The following LAG3 variants were observed in gnomAD, a reference collection of about 807,000 sequenced individuals.
The protein encoded by LAG3 is lymphocyte activating 3.
LAG3 carries 29 observed loss-of-function variants against 49.0 expected under a neutral mutation model. The ratio of observed to expected loss-of-function variants is 0.59; its 90% CI spans 0.44 to 0.81. The LOEUF (loss-of-function observed/expected upper bound fraction) is 0.81. Among genes scored for constraint, LAG3 ranks in the 30% least tolerant of loss-of-function variants. The probability of loss-of-function intolerance (pLI) is 0.00; values close to 1 mark genes in which losing one functional copy is unlikely to be tolerated. For synonymous variants in LAG3, 320 were observed against 297.3 expected (o/e 1.08, Z -0.79); for missense variants, 693 against 695.2 (o/e 1.00, Z 0.04).
intron 5 of LAG3, 87 bp from the exon 6 acceptor site, chr12:6,777,177 C>A (rs1385451160): frequency 2.6e-6 from 4 of 1,511,606 alleles, no homozygotes; most frequent in Non-Finnish European, 3.6e-6. Context: ...CAAGTGAGTG[C>A]AGGGTGATTG....
rs1487917766 is a variant in LAG3 at position 6,774,800 on chromosome 12, G to A, written c.717G>A (p.Trp239Ter). 1 of 1,613,968 alleles carries A rather than the reference G, an allele frequency of 6.2e-7. No homozygotes were observed. The highest frequency in any genetic ancestry group is 8.5e-7 in the Non-Finnish European group (1 of 1,179,998). ...PQVSPMDSGP[W>*]GCILTYRDGF... is the part of the protein sequence containing the mutation. Reference sequence around the variant, plus strand: ...TCAGCCCCATGGACTCTGGGCCCTGGGGCTGCATCCTCACCTACAGAGATG... The same window carrying A: ...TCAGCCCCATGGACTCTGGGCCCTGAGGCTGCATCCTCACCTACAGAGATG... The change falls in exon 4 of 8, where the codon TGG becomes TGA. Residue 239 changes from tryptophan (W) to a stop codon, truncating the protein, a stop_gained. Coordinates refer to ENST00000203629, the MANE Select transcript of LAG3 (RefSeq NM_002286.6). LOFTEE classifies it high-confidence loss of function.
chr12:6,777,626 T>C, intron 6 of LAG3, 120 bp downstream of exon 6: 1 of 1,481,982 alleles, frequency 6.7e-7, no homozygotes, highest in East Asian at 2.4e-5. Context: ...ACCTGATCTC[T>C]GGCTTTTGCC....
rs1247973439 is a variant in LAG3, at chr12:6,778,357, G to T, written c.1545G>T (p.Glu515Asp). 1 of 1,608,078 alleles carries T rather than the reference G, an allele frequency of 6.2e-7. No homozygotes were observed. Among genetic ancestry groups the T allele is most frequent in the Admixed American group, 1.7e-5 (1 of 59,954 alleles). ...EPEPEPEPEP[E>D]PEPEPEPEQL The stretch of plus-strand genomic sequence containing the variant: ...AGCCGGAGCCGGAGCCGGAACCGGA[G>T]CCCGAGCCCGAGCCCGAGCCGGAGC... The change falls in exon 8 of 8, where the codon GAG (glutamate) becomes GAT (aspartate). Residue 515 changes from glutamate to aspartate, a missense_variant. Coordinates refer to ENST00000203629, the MANE Select transcript of LAG3 (RefSeq NM_002286.6).
Position 6,772,780 on chromosome 12 carries a change from C to T in LAG3, c.-73C>T. On this transcript the variant is annotated 5_prime_UTR_variant, in exon 1 of 8. Transcript: ENST00000203629. ...TGCAGAACTTCTCCTTTACCCCCCA[C>T]CCCCCACCACTGCCCCCTTTCCTTT... The T allele has an allele frequency of 2.0e-6, 2 of 1,023,124 alleles. No homozygotes were observed. Among genetic ancestry groups the T allele is most frequent in the Non-Finnish European group, 2.9e-6 (2 of 696,446 alleles). 63.4% of individuals were successfully genotyped at this position (1,023,124 alleles called of 1,614,324 possible).
rs1163067350 is a variant in LAG3 at position 6,772,845 on chromosome 12, T to C, written c.-8T>C. The C allele has an allele frequency of 1.4e-6, 2 of 1,460,488 alleles. No individual in the cohort carries two copies. Among genetic ancestry groups the C allele is most frequent in the Middle Eastern group, 1.9e-4 (1 of 5,282 alleles). The allele number at this position is 1,460,488 out of a possible 1,614,324, so 90.5% of individuals were successfully genotyped here. ...GGAGGGCTCAGCGCTGCCCAGACCA[T>C]AGGAGAGATGTGGGAGGCTCAGTTC... On this transcript the variant is annotated 5_prime_UTR_variant, in exon 1 of 8. Transcript: ENST00000203629.
chr12:6,773,473 G>T lies in LAG3; in HGVS notation c.206+134G>T. The T allele has an allele frequency of 8.3e-7, 1 of 1,209,178 alleles. No individual in the cohort carries two copies. Among genetic ancestry groups the T allele is most frequent in the East Asian group, 2.6e-5 (1 of 38,252 alleles). The allele number at this position is 1,209,178 out of a possible 1,614,324, so 74.9% of individuals were successfully genotyped here. A position where few individuals can be genotyped will look rare whatever the true frequency, so the allele number is the denominator to read the frequency against. ...TGACCCAGTCTCCCTGCCCTCGCTTGCACCGTTCCTGCCCTTGCTCTGCAA... is the reference window on the plus strand; with the variant it reads ...TGACCCAGTCTCCCTGCCCTCGCTTTCACCGTTCCTGCCCTTGCTCTGCAA... On this transcript the variant is annotated intron_variant, in intron 2 of 7. Coordinates refer to ENST00000203629, the MANE Select transcript of LAG3 (RefSeq NM_002286.6). The surrounding 1 kb of genome is among the most constrained non-coding windows in gnomAD (Gnocchi z 5.5).
chr12:6,773,732 C>T lies in LAG3; in HGVS notation c.242C>T (p.Ala81Val), dbSNP rs764026962. The change falls in exon 3 of 8, where the codon GCC (alanine) becomes GTC (valine). Residue 81 changes from alanine to valine, a missense_variant. Physicochemically the swap from Ala to Val is moderately conservative, Grantham distance 64. Transcript: ENST00000203629. The surrounding 1 kb of genome is among the most constrained non-coding windows in gnomAD (Gnocchi z 5.5). ...PPAAAPGHPL[A>V]PGPHPAAPSS... is the part of the protein sequence containing the mutation. ...GCTGCCGCCCCCGGCCATCCCCTGG[C>T]CCCCGGCCCTCACCCGGCGGCGCCC... 1.6e-5 allele frequency: 21 copies of T among 1,338,860 alleles called. No individual in the cohort carries two copies. In the East Asian group the frequency reaches 2.1e-4, roughly 13 times the overall value. The allele number at this position is 1,338,860 out of a possible 1,614,324, so 82.9% of individuals were successfully genotyped here. A position where few individuals can be genotyped will look rare whatever the true frequency, so the allele number is the denominator to read the frequency against.
Position 6,777,323 on chromosome 12 carries a change from C to G in LAG3, c.1117C>G (p.Pro373Ala). The change falls in exon 6 of 8, where the codon CCA becomes GCA. Residue 373 changes from proline (P) to alanine (A), a missense_variant. Physicochemically the swap from Pro to Ala is conservative, Grantham distance 27. Transcript: ENST00000203629. The stretch of plus-strand genomic sequence containing the variant: ...GGGGAAGCTGCTTTGTGAGGTGACT[C>G]CAGTATCTGGACAAGAACGCTTTGT... ...SLGKLLCEVT[P>A]VSGQERFVWS... The G allele has an allele frequency of 6.2e-7, 1 of 1,614,190 alleles. No individual in the cohort carries two copies. Among genetic ancestry groups the G allele is most frequent in the Non-Finnish European group, 8.5e-7 (1 of 1,180,034 alleles).
In LAG3 at chr12:6,773,847, C is replaced by T. The variant is rs1318931557; in HGVS notation, c.357C>T (p.Arg119=). Reference sequence around the variant, plus strand: ...GCGGGAGGCTGCCCCTGCAGCCCCGCGTCCAGCTGGATGAGCGCGGCCGGC... The same window carrying T: ...GCGGGAGGCTGCCCCTGCAGCCCCGTGTCCAGCTGGATGAGCGCGGCCGGC... ...LRSGRLPLQP[R]VQLDERGRQR... Residue 119 remains arginine, a synonymous_variant, in exon 3 of 8, where the codon CGC becomes CGT. Transcript: ENST00000203629. The surrounding 1 kb of genome is among the most constrained non-coding windows in gnomAD (Gnocchi z 5.5). 7.8e-6 allele frequency: 11 copies of T among 1,410,364 alleles called. No homozygotes were observed. The highest frequency in any genetic ancestry group is 9.2e-6 in the Non-Finnish European group (10 of 1,087,668). The allele number at this position is 1,410,364 out of a possible 1,614,324, so 87.4% of individuals were successfully genotyped here.
chr12:6,773,546 C>T lies in LAG3; in HGVS notation c.207-151C>T, dbSNP rs1211228379. 50 of 1,113,738 alleles carry T rather than the reference C, an allele frequency of 4.5e-5. No individual in the cohort carries two copies. Among genetic ancestry groups the T allele is most frequent in the Non-Finnish European group, 4.8e-5 (40 of 829,462 alleles). 69.0% of individuals were successfully genotyped at this position (1,113,738 alleles called of 1,614,324 possible). A position where few individuals can be genotyped will look rare whatever the true frequency, so the allele number is the denominator to read the frequency against. ...CCCTTCTCTCCAGAAGTGGATGCGG[C>T]CAGTCCAACAGAGGGGTCGGGCGTG... On this transcript the variant is annotated intron_variant, in intron 2 of 7. Coordinates refer to ENST00000203629, the MANE Select transcript of LAG3 (RefSeq NM_002286.6). This position sits in a 1 kb window ranked among gnomAD's most constrained non-coding sequence, Gnocchi z 5.5.
At position 6,773,070 on chromosome 12, in the gene LAG3, A is replaced by T; in HGVS notation, c.59-122A>T. On this transcript the variant is annotated intron_variant, in intron 1 of 7. Coordinates refer to ENST00000203629, the MANE Select transcript of LAG3 (RefSeq NM_002286.6). The surrounding 1 kb of genome is among the most constrained non-coding windows in gnomAD (Gnocchi z 5.5). ...CCCCGAAAGCCTCTCTGGGCAGAGAAGAAACAGAAACCCAAGTTCTTCCTG... is the reference window on the plus strand; with the variant it reads ...CCCCGAAAGCCTCTCTGGGCAGAGATGAAACAGAAACCCAAGTTCTTCCTG... 1 of 1,400,230 alleles carries T rather than the reference A, an allele frequency of 7.1e-7. No homozygotes were observed. The highest frequency in any genetic ancestry group is 9.8e-7 in the Non-Finnish European group (1 of 1,021,180). The allele number at this position is 1,400,230 out of a possible 1,614,324, so 86.7% of individuals were successfully genotyped here.
In LAG3 at chr12:6,773,568, C is replaced by A. The variant is rs997992201; in HGVS notation, c.207-129C>A. On this transcript the variant is annotated intron_variant, in intron 2 of 7. Coordinates refer to ENST00000203629, the MANE Select transcript of LAG3 (RefSeq NM_002286.6). This position sits in a 1 kb window ranked among gnomAD's most constrained non-coding sequence, Gnocchi z 5.5. Reference sequence around the variant, plus strand: ...CGGCCAGTCCAACAGAGGGGTCGGGCGTGAGGGGACGGTTGGTGGTCAAGA... The same window carrying A: ...CGGCCAGTCCAACAGAGGGGTCGGGAGTGAGGGGACGGTTGGTGGTCAAGA... The A allele has an allele frequency of 5.0e-6, 6 of 1,190,372 alleles. No homozygotes were observed. In the Admixed American group the frequency reaches 1.2e-4, roughly 23 times the overall value. The allele number at this position is 1,190,372 out of a possible 1,614,324, so 73.7% of individuals were successfully genotyped here.
chr12:6,777,828 A>G lies in LAG3; in HGVS notation c.1338A>G (p.Pro446=). The G allele has an allele frequency of 6.2e-7, 1 of 1,613,806 alleles. No individual in the cohort carries two copies. Among genetic ancestry groups the G allele is most frequent in the Non-Finnish European group, 8.5e-7 (1 of 1,179,902 alleles). The change falls in exon 7 of 8, where the codon CCA becomes CCG. Residue 446 remains proline (P), a synonymous_variant. Coordinates refer to ENST00000203629, the MANE Select transcript of LAG3 (RefSeq NM_002286.6). ...CTGGGAGAGCCCCAGGTGCCCTCCC[A>G]GCAGGCCACCTCCTGCTGTTTCTCA... ...QRSGRAPGAL[P]AGHLLLFLIL...
At chr12:6,774,140 G>A (rs1032303005) in intron 3 of LAG3, 139 bp downstream of exon 3, 9 of 1,301,214 alleles carry the variant, frequency 6.9e-6, no homozygotes, top group Admixed American at 3.9e-5. Flanking sequence ...GGAAGGGGGT[G>A]GGCGGCCTGC....
Position 6,773,436 on chromosome 12 carries a change from C to A in LAG3, c.206+97C>A. The A allele has an allele frequency of 7.0e-7, 1 of 1,437,976 alleles. No homozygotes were observed. The highest frequency in any genetic ancestry group is 9.5e-7 in the Non-Finnish European group (1 of 1,056,166). 89.1% of individuals were successfully genotyped at this position (1,437,976 alleles called of 1,614,324 possible). A position where few individuals can be genotyped will look rare whatever the true frequency, so the allele number is the denominator to read the frequency against. On this transcript the variant is annotated intron_variant, in intron 2 of 7. Transcript: ENST00000203629. The surrounding 1 kb of genome is among the most constrained non-coding windows in gnomAD (Gnocchi z 5.5). ...GTCCCCTGCCCTGAGGTGTCACTCC[C>A]TCTGAAGCCAGTGACCCAGTCTCCC... is the stretch of plus-strand genomic sequence containing the variant.
intron 6 of LAG3, 68 bp from the exon 7 acceptor site, chr12:6,777,723 G>C (rs1234547488): frequency 5.7e-6 from 9 of 1,574,892 alleles, no homozygotes; most frequent in Admixed American, 1.7e-5. Context: ...CATCTGTAAA[G>C]TCTGAGAGAA....
intron 5 of LAG3, 106 bp downstream of exon 5, chr12:6,775,654 C>A: frequency 9.0e-7 from 1 of 1,107,652 alleles, no homozygotes; most frequent in Non-Finnish European, 1.3e-6. Flanking sequence ...TGATGCCAGG[C>A]CACTGGGCAC....
At position 6,777,813 on chromosome 12, in the gene LAG3, C is replaced by T; in HGVS notation, c.1323C>T (p.Ala441=). 7 of 1,613,816 alleles carry T rather than the reference C, an allele frequency of 4.3e-6. No individual in the cohort carries two copies. The highest frequency in any genetic ancestry group is 5.9e-6 in the Non-Finnish European group (7 of 1,179,926). The change falls in exon 7 of 8, where the codon GCC becomes GCT. Residue 441 remains alanine (A), a synonymous_variant. Coordinates refer to ENST00000203629, the MANE Select transcript of LAG3 (RefSeq NM_002286.6). ...SSPGAQRSGR[A]PGALPAGHLL... ...TAGGTGCCCAACGCTCTGGGAGAGC[C>T]CCAGGTGCCCTCCCAGCAGGCCACC...
chr12:6,773,115 G>A lies in LAG3; in HGVS notation c.59-77G>A. The A allele has an allele frequency of 6.6e-7, 1 of 1,521,750 alleles. No individual in the cohort carries two copies. The highest frequency in any genetic ancestry group is 8.9e-7 in the Non-Finnish European group (1 of 1,127,856). The allele number at this position is 1,521,750 out of a possible 1,614,324, so 94.3% of individuals were successfully genotyped here. On this transcript the variant is annotated intron_variant, in intron 1 of 7. Transcript: ENST00000203629. This position sits in a 1 kb window ranked among gnomAD's most constrained non-coding sequence, Gnocchi z 5.5. ...TTCCTGCACCCTGTTTCTCCCTCGG[G>A]AAACACCCAGGCTCCTTCTCTACCC...
Sources: gnomAD v4.1 joint callset for allele counts on GRCh38, gnomAD v4.1.1 for gene constraint, Gnocchi (gnomAD v3.1) non-coding constraint, MANE v1.5 for transcripts, NCBI Gene and HGNC (gene_info 2026-07-23, HGNC 2026-07-21) for gene names.